The following ZNF407 variants were observed in gnomAD, a reference collection of about 807,000 sequenced individuals.
ZNF407 encodes zinc finger protein 407.
A neutral mutation model predicts 131.2 loss-of-function variants in ZNF407; 17 were observed. The ratio of observed to expected loss-of-function variants is 0.13; its 90% CI spans 0.09 to 0.19. The LOEUF (loss-of-function observed/expected upper bound fraction) is 0.19. Ranked by LOEUF, ZNF407 falls within the 10% of genes least tolerant of loss-of-function variation. The pLI, the probability that ZNF407 is intolerant of heterozygous loss-of-function variation, is 1.00. For missense variants in ZNF407, 2,681 were observed against 2,830.6 expected, an observed-to-expected ratio of 0.95 and a Z score of 1.20; for synonymous variants, 1,156 against 1,062.0, an observed-to-expected ratio of 1.09 and a Z score of -1.72.
intron 7 of ZNF407, among the ~76,000 whole-genome samples, chr18:74,913,172 A>G (rs975633416): frequency 3.3e-5 from 5 of 152,236 alleles, no homozygotes; most frequent in Admixed American, 1.3e-4. Flanking sequence ...ATCAGAATTC[A>G]TGCCCATTGA....
In ZNF407 at chr18:75,065,501, C is replaced by T. The variant is rs1308607213; in HGVS notation, c.*1033C>T. The T allele has an allele frequency of 4.6e-5, 7 of 152,218 alleles. No individual in the cohort carries two copies. In the East Asian group the frequency reaches 9.6e-4, roughly 21 times the overall value. The allele number at this position is 152,218 out of a possible 1,614,324, so 9.4% of individuals were successfully genotyped here. On this transcript the variant is annotated 3_prime_UTR_variant, in exon 9 of 9. Coordinates refer to ENST00000299687, the MANE Select transcript of ZNF407 (RefSeq NM_017757.3). ...TGGCCACCAGCATGGTCTGTGTCCT[C>T]GTGGATTCACTGCAGCTGTCGGATG...
chr18:74,788,171 T>C (rs1406362275), intron 4 of ZNF407, among the ~76,000 whole-genome samples: 1 of 152,226 alleles, frequency 6.6e-6, no homozygotes, highest in Non-Finnish European at 1.5e-5. Context: ...TTTTTCCTTA[T>C]GGGGAAGTCC....
chr18:74,776,883 G>T (rs1969484184), intron 3 of ZNF407, among the ~76,000 whole-genome samples: 1 of 152,190 alleles, frequency 6.6e-6, no homozygotes, highest in Admixed American at 6.5e-5. Flanking sequence ...TGTATATTTA[G>T]TATTCTTTAA....
chr18:74,848,726 C>T (rs1970736606), intron 4 of ZNF407, among the ~76,000 whole-genome samples: 1 of 152,192 alleles, frequency 6.6e-6, no homozygotes, highest in South Asian at 2.1e-4. Flanking sequence ...CTCGCTTCAG[C>T]TCCTGAGGTT....
intron 3 of ZNF407, among the ~76,000 whole-genome samples, chr18:74,709,168 A>G (rs1967697837): frequency 6.6e-6 from 1 of 152,234 alleles, no homozygotes; most frequent in South Asian, 2.1e-4. Context: ...AATATCAAGT[A>G]AATTGGCATA....
At chr18:74,777,851 G>A (rs1212920099) in intron 3 of ZNF407, among the ~76,000 whole-genome samples, 1 of 151,928 alleles carries the variant, frequency 6.6e-6, no homozygotes, top group African/African-American at 2.4e-5. Flanking sequence ...GGACTTCTAG[G>A]CAGGAGGATT....
chr18:74,972,268 A>G (rs558858093), intron 8 of ZNF407, among the ~76,000 whole-genome samples: 13 of 151,992 alleles, frequency 8.6e-5, no homozygotes, highest in Non-Finnish European at 1.6e-4. Flanking sequence ...TACTTTACTA[A>G]TTTTACTGTC....
chr18:74,983,717 A>T (rs1599278452), intron 8 of ZNF407, among the ~76,000 whole-genome samples: 1 of 152,238 alleles, frequency 6.6e-6, no homozygotes, highest in Non-Finnish European at 1.5e-5. Context: ...GAAGCAGGAT[A>T]GGCACTGGGA....
intron 4 of ZNF407, among the ~76,000 whole-genome samples, chr18:74,855,845 T>C (rs188046502): frequency 6.6e-6 from 1 of 152,210 alleles, no homozygotes; most frequent in East Asian, 1.9e-4. Context: ...ACAGGAGAGA[T>C]TATTTGGTGT....
chr18:74,803,116 C>A (rs745389240), intron 4 of ZNF407, among the ~76,000 whole-genome samples: 10 of 152,142 alleles, frequency 6.6e-5, no homozygotes, highest in Admixed American at 2.6e-4. Flanking sequence ...GTTACCACCC[C>A]CTTAGCCAGT....
At chr18:74,953,103 A>C (rs545960018) in intron 8 of ZNF407, among the ~76,000 whole-genome samples, 14 of 152,312 alleles carry the variant, frequency 9.2e-5, no homozygotes, top group African/African-American at 3.4e-4. Context: ...TTTTTGCAAA[A>C]AGTCACTCTG....
intron 8 of ZNF407, among the ~76,000 whole-genome samples, chr18:74,971,793 C>G (rs1972475668): frequency 6.6e-6 from 1 of 152,194 alleles, no homozygotes; most frequent in Non-Finnish European, 1.5e-5. Flanking sequence ...ATCTTTTCAG[C>G]AACACCCCAC....
intron 6 of ZNF407, among the ~76,000 whole-genome samples, chr18:74,884,225 A>C (rs1356190044): frequency 6.6e-6 from 1 of 152,188 alleles, no homozygotes; most frequent in East Asian, 1.9e-4. Context: ...TTTCTTTCCA[A>C]CTTTACAGTC....
Position 75,063,458 on chromosome 18 carries a change from G to C in ZNF407, c.5737G>C (p.Ala1913Pro), listed in dbSNP as rs17056248. Residue 1913 changes from alanine (A) to proline (P), a missense_variant, in exon 9 of 9, where the codon GCC (alanine) becomes CCC (proline). Physicochemically the swap from Ala to Pro is conservative, Grantham distance 27. Transcript: ENST00000299687. This position sits in a 1 kb window ranked among gnomAD's most constrained non-coding sequence, Gnocchi z 6.6. ...TATCACGGAGGATGGCCAGGTCATC[G>C]CCACGAGTCAGAGCGGGGCACATGT... Reference protein sequence around the residue: ...VHITEDGQVIATSQSGAHVGS... With the variant: ...VHITEDGQVIPTSQSGAHVGS... 1.2e-6 allele frequency: 2 copies of C among 1,606,528 alleles called. No homozygotes were observed. Among genetic ancestry groups the C allele is most frequent in the African/African-American group, 2.7e-5 (2 of 74,906 alleles).
intron 3 of ZNF407, among the ~76,000 whole-genome samples, chr18:74,755,039 T>TATACA (rs1968895452): frequency 6.6e-6 from 1 of 152,214 alleles, no homozygotes; most frequent in Non-Finnish European, 1.5e-5. Context: ...GCTCCTGTAT[T>TATACA]GGGTGTATAT....
intron 3 of ZNF407, among the ~76,000 whole-genome samples, chr18:74,656,179 G>C (rs1985447498): frequency 6.6e-6 from 1 of 152,100 alleles, no homozygotes; most frequent in Admixed American, 6.6e-5. Flanking sequence ...TTAAAGGATA[G>C]TTGAAATATT....
intron 3 of ZNF407, among the ~76,000 whole-genome samples, chr18:74,666,750 G>A (rs181418343): frequency 8.1e-4 from 123 of 152,236 alleles, no homozygotes; most frequent in African/African-American, 2.9e-3. Context: ...CAGAAGTCTC[G>A]GCATTGAGGC....
intron 4 of ZNF407, among the ~76,000 whole-genome samples, chr18:74,781,984 AATT>A (rs1452876610): frequency 1.3e-5 from 2 of 152,152 alleles, no homozygotes; most frequent in African/African-American, 4.8e-5. Context: ...ATAACACTAC[AATT>A]ATTATGTCAT....
chr18:74,754,930 C>CT (rs1318087714), intron 3 of ZNF407, among the ~76,000 whole-genome samples: 3 of 152,156 alleles, frequency 2.0e-5, no homozygotes, highest in Non-Finnish European at 2.9e-5. Flanking sequence ...ATTGATCTGT[C>CT]TAATGTTGAC....
Sources: gnomAD v4.1 joint callset for allele counts (sites outside exome capture counted in the v4.1 genomes callset) on GRCh38, gnomAD v4.1.1 for gene constraint, Gnocchi (gnomAD v3.1) non-coding constraint, MANE v1.5 for transcripts, NCBI Gene and HGNC (gene_info 2026-07-23, HGNC 2026-07-21) for gene names.